The following CTNNA2 variants were observed in gnomAD, a reference collection of about 807,000 sequenced individuals.
CTNNA2 encodes catenin alpha-2.
Under a neutral mutation model 101.0 loss-of-function variants are expected in CTNNA2, and 42 were observed. The ratio of observed to expected loss-of-function variants is 0.42; its 90% confidence interval spans 0.32 to 0.54. The LOEUF (loss-of-function observed/expected upper bound fraction) is 0.54. Among genes scored for constraint, CTNNA2 ranks in the 20% least tolerant of loss-of-function variants. The pLI is 0.14. For missense variants in CTNNA2, 871 were observed against 1,223.1 expected (o/e 0.71, Z 4.29); for synonymous variants, 450 against 456.4 (o/e 0.99, Z 0.18).
At chr2:79,565,959 C>G (rs1277463606) in intron 1 of CTNNA2, among the ~76,000 whole-genome samples, 1 of 151,924 alleles carries the variant, frequency 6.6e-6, no homozygotes. Context: ...CTTTAACATA[C>G]ATAGAATAAG....
chr2:80,076,835 G>C (rs1374736911), intron 7 of CTNNA2, among the ~76,000 whole-genome samples: 1 of 152,008 alleles, frequency 6.6e-6, no homozygotes, highest in Non-Finnish European at 1.5e-5. Flanking sequence ...AGACCCACCA[G>C]GAGATTGAGA....
intron 7 of CTNNA2, among the ~76,000 whole-genome samples, chr2:80,058,427 A>G (rs1697365548): frequency 6.6e-6 from 1 of 152,190 alleles, no homozygotes; most frequent in Non-Finnish European, 1.5e-5. Flanking sequence ...AGGGCCTTTT[A>G]TAAACGTTCT....
chr2:79,824,675 GA>G (rs1299282964), intron 3 of CTNNA2, among the ~76,000 whole-genome samples: 1 of 152,042 alleles, frequency 6.6e-6, no homozygotes, highest in South Asian at 2.1e-4. Flanking sequence ...GAATATTCTA[GA>G]GGGGCAAGTG....
At chr2:79,818,821 TTATATATATA>T (rs372924495) in intron 3 of CTNNA2, among the ~76,000 whole-genome samples, 1 of 74,280 alleles carries the variant, frequency 1.3e-5, no homozygotes, top group African/African-American at 7.4e-5. Context: ...CAAAATGCAA[TTATATATATA>T]TATATATATA....
chr2:79,325,975 G>A (rs1399238631), intron 3 of CTNNA2, among the ~76,000 whole-genome samples: 2 of 152,162 alleles, frequency 1.3e-5, no homozygotes, highest in Non-Finnish European at 2.9e-5. Context: ...ATTCAAGAGG[G>A]TTTAGAGTCA....
chr2:80,607,248 T>G (rs1405516268), intron 16 of CTNNA2, among the ~76,000 whole-genome samples: 1 of 151,872 alleles, frequency 6.6e-6, no homozygotes, highest in African/African-American at 2.4e-5. Flanking sequence ...CTGGTGATTT[T>G]ATGTCCTTTA....
chr2:80,360,981 C>G (rs1674349096), intron 7 of CTNNA2, among the ~76,000 whole-genome samples: 1 of 151,514 alleles, frequency 6.6e-6, no homozygotes, highest in South Asian at 2.1e-4. Flanking sequence ...GATGATTTTC[C>G]AGAACCTGAT....
At chr2:80,582,319 A>C (rs949164124) in intron 14 of CTNNA2, among the ~76,000 whole-genome samples, 3 of 152,100 alleles carry the variant, frequency 2.0e-5, no homozygotes, top group African/African-American at 4.8e-5. Flanking sequence ...AAATTGGTTC[A>C]AGGCCATTAG....
At position 79,909,405 on chromosome 2, in the gene CTNNA2, A is replaced by C. The variant is rs60079963; in HGVS notation, c.853-189A>C. ...ATAAGATGTGCTCTTTTAGCTGAAG[A>C]TTACATTTAGGACAAAATATCTAGA... On this transcript the variant is annotated intron_variant, in intron 6 of 18. Coordinates refer to ENST00000402739, the MANE Select transcript of CTNNA2 (RefSeq NM_001282597.3). Among the ~76,000 whole-genome samples the C allele has an allele frequency of 0.032, 4,939 of 152,328 alleles. 173 individuals are homozygous for C. Among genetic ancestry groups the C allele is most frequent in the African/African-American group, 0.079 (3,300 of 41,562 alleles).
At chr2:80,138,729 T>A (rs1702833722) in intron 7 of CTNNA2, among the ~76,000 whole-genome samples, 1 of 152,126 alleles carries the variant, frequency 6.6e-6, no homozygotes, top group East Asian at 1.9e-4. Flanking sequence ...ATTTTTCTCA[T>A]CTGTAAAAAT....
intron 7 of CTNNA2, among the ~76,000 whole-genome samples, chr2:80,310,607 G>A (rs1677474040): frequency 6.6e-6 from 1 of 152,278 alleles, no homozygotes. Flanking sequence ...TTGTCTTTCT[G>A]GGAAAAGCTT....
intron 4 of CTNNA2, among the ~76,000 whole-genome samples, chr2:79,457,232 A>G (rs1670835862): frequency 6.6e-6 from 1 of 151,792 alleles, no homozygotes; most frequent in African/African-American, 2.4e-5. Flanking sequence ...AGAAAATTAG[A>G]ATTCAGTGTG....
At chr2:79,403,010 A>T (rs1458631385) in intron 4 of CTNNA2, among the ~76,000 whole-genome samples, 6 of 151,862 alleles carry the variant, frequency 4.0e-5, no homozygotes, top group Non-Finnish European at 1.5e-5. Context: ...ATATTTAAAA[A>T]GAAGAAAAAT....
intron 15 of CTNNA2, among the ~76,000 whole-genome samples, chr2:80,600,385 A>G (rs216650): frequency 0.12 from 17,800 of 151,954 alleles, 1,336 homozygotes; most frequent in African/African-American, 0.21. Context: ...ATTAAAATTT[A>G]TATTTTAAAA....
At chr2:80,384,252 G>T (rs892799968) in intron 7 of CTNNA2, among the ~76,000 whole-genome samples, 6 of 151,986 alleles carry the variant, frequency 3.9e-5, no homozygotes, top group African/African-American at 1.4e-4. Flanking sequence ...TAATTCTTCT[G>T]TAGGTGAACT....
At chr2:80,064,280 C>T (rs960058696) in intron 7 of CTNNA2, among the ~76,000 whole-genome samples, 1 of 152,156 alleles carries the variant, frequency 6.6e-6, no homozygotes, top group Non-Finnish European at 1.5e-5. Context: ...AGCCATGATG[C>T]TGATTTCTGA....
At chr2:80,579,596 A>G (rs1462682273) in intron 13 of CTNNA2, 4 of 152,212 alleles carry the variant, frequency 2.6e-5, no homozygotes, top group African/African-American at 7.2e-5. Flanking sequence ...TTAATAAAAT[A>G]TGAGAACAAA....
intron 4 of CTNNA2, among the ~76,000 whole-genome samples, chr2:79,437,711 A>G (rs1376728571): frequency 1.3e-5 from 2 of 152,088 alleles, no homozygotes; most frequent in Non-Finnish European, 2.9e-5. Flanking sequence ...ATATGACTGG[A>G]CCTTTCCCAG....
chr2:79,259,481 G>C (rs780931753), intron 2 of CTNNA2, among the ~76,000 whole-genome samples: 2 of 152,308 alleles, frequency 1.3e-5, no homozygotes, highest in Middle Eastern at 3.4e-3. Context: ...AAAAGTCCTA[G>C]TGTGGGTAGG....
Sources: gnomAD v4.1 joint callset for allele counts (sites outside exome capture counted in the v4.1 genomes callset) on GRCh38, gnomAD v4.1.1 for gene constraint, MANE v1.5 for transcripts, NCBI Gene and HGNC (gene_info 2026-07-23, HGNC 2026-07-21) for gene names.